Variants in GRID1 observed in about 807,000 individuals in gnomAD.
The protein encoded by GRID1 is glutamate ionotropic receptor delta type subunit 1.
In GRID1, 28 loss-of-function variants were observed where a neutral mutation model predicts 98.0. The ratio of observed to expected loss-of-function variants is 0.29; its 90% confidence interval spans 0.21 to 0.39. GRID1 has a LOEUF of 0.39. Among genes scored for constraint, GRID1 ranks in the 10% least tolerant of loss-of-function variants. The pLI, the probability that GRID1 is intolerant of heterozygous loss-of-function variation, is 1.00. For synonymous variants in GRID1, 553 were observed against 538.5 expected (o/e 1.03, Z -0.37); for missense variants, 1,111 against 1,340.5 (o/e 0.83, Z 2.67).
intron 8 of GRID1, among the ~76,000 whole-genome samples, chr10:85,821,516 C>CAAAAAAAAAAAAAAAAA (rs1157209045): frequency 3.3e-4 from 3 of 9,112 alleles, no homozygotes; most frequent in African/African-American, 8.4e-4. Context: ...GACTTCATCT[C>CAAAAAAAAAAAAAAAAA]AAAAAAAAAA....
At chr10:85,698,119 G>A (rs937824335) in intron 12 of GRID1, among the ~76,000 whole-genome samples, 1 of 151,984 alleles carries the variant, frequency 6.6e-6, no homozygotes, top group African/African-American at 2.4e-5. Context: ...AGGTACCACC[G>A]AAAATATCAA....
At chr10:85,808,195 G>A (rs184431295) in intron 8 of GRID1, among the ~76,000 whole-genome samples, 31 of 152,282 alleles carry the variant, frequency 2.0e-4, no homozygotes, top group African/African-American at 6.5e-4. Flanking sequence ...AACATGGCAG[G>A]AGGCCCATAT....
At chr10:86,164,030 T>G (rs2131988385) in intron 3 of GRID1, among the ~76,000 whole-genome samples, 1 of 152,218 alleles carries the variant, frequency 6.6e-6, no homozygotes. Context: ...CAGCTGGCCA[T>G]AGTCCTAGGA....
chr10:85,909,562 C>T (rs1841508275), intron 5 of GRID1, among the ~76,000 whole-genome samples: 1 of 152,144 alleles, frequency 6.6e-6, no homozygotes. Context: ...AAATATTCCT[C>T]ATCAATTAAA....
intron 13 of GRID1, among the ~76,000 whole-genome samples, chr10:85,629,903 C>T (rs552941679): frequency 6.6e-6 from 1 of 152,314 alleles, no homozygotes; most frequent in East Asian, 1.9e-4. Context: ...AATAGCCATT[C>T]TGACTGGTGT....
chr10:85,862,007 C>T (rs1336051847), intron 6 of GRID1, among the ~76,000 whole-genome samples: 1 of 152,162 alleles, frequency 6.6e-6, no homozygotes, highest in Non-Finnish European at 1.5e-5. Context: ...ACGTCTTCCA[C>T]ATCACATCAC....
intron 8 of GRID1, among the ~76,000 whole-genome samples, chr10:85,841,421 TG>T (rs1203786809): frequency 6.6e-6 from 1 of 152,112 alleles, no homozygotes; most frequent in African/African-American, 2.4e-5. Context: ...GACATAGGTA[TG>T]AACAAAGATT....
At position 85,720,429 on chromosome 10, in the gene GRID1, G is replaced by A. The variant is rs146282057; in HGVS notation, c.1997+2574C>T. 9.2e-4 allele frequency among the ~76,000 whole-genome samples: 140 copies of A among 152,114 alleles called. 1 individual carries two copies. Among genetic ancestry groups the A allele is most frequent in the East Asian group, 5.8e-4 (3 of 5,170 alleles). On this transcript the variant is annotated intron_variant, in intron 12 of 15. Transcript: ENST00000327946. ...CACTCTACCCTATAGTAAGGCTTAC[G>A]CTATAGCTACTGTAATCATGATAGT...
intron 8 of GRID1, among the ~76,000 whole-genome samples, chr10:85,767,675 G>C (rs1842211136): frequency 6.6e-6 from 1 of 152,146 alleles, no homozygotes; most frequent in African/African-American, 2.4e-5. Context: ...CATTTCTTCA[G>C]TTGTCTTTTT....
intron 8 of GRID1, among the ~76,000 whole-genome samples, chr10:85,826,666 A>G (rs1842823273): frequency 6.6e-6 from 1 of 152,120 alleles, no homozygotes; most frequent in Non-Finnish European, 1.5e-5. Flanking sequence ...TGGCAGGCAC[A>G]AGTGAGCAAG....
At chr10:85,651,941 CA>C (rs2132558250) in intron 12 of GRID1, among the ~76,000 whole-genome samples, 1 of 152,296 alleles carries the variant, frequency 6.6e-6, no homozygotes, top group African/African-American at 2.4e-5. Flanking sequence ...TGTGTCCTAC[CA>C]AAAGTGGATT....
intron 2 of GRID1, among the ~76,000 whole-genome samples, chr10:86,211,492 G>A (rs1037620886): frequency 3.3e-5 from 5 of 152,332 alleles, no homozygotes; most frequent in East Asian, 1.9e-4. Context: ...CATTGGGGGT[G>A]TGGGGGGTGC....
chr10:86,019,301 C>T (rs933210144), intron 4 of GRID1, among the ~76,000 whole-genome samples: 2 of 152,242 alleles, frequency 1.3e-5, no homozygotes, highest in Admixed American at 6.5e-5. Context: ...CCCAGCTGTG[C>T]TCTGCACAGG....
intron 4 of GRID1, among the ~76,000 whole-genome samples, chr10:86,065,099 C>A (rs1381326528): frequency 6.6e-6 from 1 of 152,158 alleles, no homozygotes; most frequent in Non-Finnish European, 1.5e-5. Context: ...CCCACTAGGG[C>A]CACCACCCGG....
At chr10:85,966,820 A>AG (rs1375935508) in intron 4 of GRID1, among the ~76,000 whole-genome samples, 3 of 152,048 alleles carry the variant, frequency 2.0e-5, no homozygotes, top group Non-Finnish European at 2.9e-5. Flanking sequence ...CCTCAAAAAA[A>AG]AAAAAGCAGA....
At chr10:86,325,533 A>C (rs17106569) in intron 2 of GRID1, among the ~76,000 whole-genome samples, 18,331 of 152,234 alleles carry the variant, frequency 0.12, 1,893 homozygotes, top group East Asian at 0.49. Flanking sequence ...GTATTCAAAA[A>C]TTCATTGTGC....
At chr10:86,085,047 C>T (rs1476082343) in intron 4 of GRID1, among the ~76,000 whole-genome samples, 1 of 152,158 alleles carries the variant, frequency 6.6e-6, no homozygotes, top group Admixed American at 6.5e-5. Context: ...AATACGCATG[C>T]AATGTATATT....
chr10:86,128,873 A>G (rs542907074), intron 4 of GRID1, among the ~76,000 whole-genome samples: 5 of 152,326 alleles, frequency 3.3e-5, no homozygotes, highest in African/African-American at 1.2e-4. Flanking sequence ...ACCCATGTCA[A>G]GCACTGTGAG....
In GRID1 at chr10:85,671,485, T is replaced by C. The variant is rs535028966; in HGVS notation, c.1998-24088A>G. Among the ~76,000 whole-genome samples, 372 of 152,312 alleles carry C rather than the reference T, an allele frequency of 2.4e-3. 3 individuals carry two copies. The highest frequency in any genetic ancestry group is 8.4e-3 in the African/African-American group (348 of 41,578). Reference sequence around the variant, plus strand: ...GCCACAAACTGCCCTTATAAGATGGTGAAGTTCATCAGTAAATGTTGTGTA... The same window carrying C: ...GCCACAAACTGCCCTTATAAGATGGCGAAGTTCATCAGTAAATGTTGTGTA... On this transcript the variant is annotated intron_variant, in intron 12 of 15. Coordinates refer to ENST00000327946, the MANE Select transcript of GRID1 (RefSeq NM_017551.3).
Sources: gnomAD v4.1 joint callset for allele counts (sites outside exome capture counted in the v4.1 genomes callset) on GRCh38, gnomAD v4.1.1 for gene constraint, MANE v1.5 for transcripts, NCBI Gene and HGNC (gene_info 2026-07-23, HGNC 2026-07-21) for gene names.